PPARGC1A: variants seen among roughly 807,000 people sequenced by gnomAD.
PPARGC1A encodes the protein PPARG coactivator 1 alpha.
Under a neutral mutation model 88.7 loss-of-function variants are expected in PPARGC1A, and 25 were observed. That is an observed-to-expected ratio of 0.28 (90% confidence interval 0.21 to 0.39). The LOEUF (loss-of-function observed/expected upper bound fraction) is 0.39. Among genes scored for constraint, PPARGC1A ranks in the 10% least tolerant of loss-of-function variants. The pLI is 1.00. For synonymous variants in PPARGC1A, 363 were observed against 355.6 expected (o/e 1.02, Z -0.24); for missense variants, 880 against 968.7 (o/e 0.91, Z 1.22).
the PPARGC1A span, among the ~76,000 whole-genome samples, chr4:24,059,614 T>C: frequency 2.0e-5 from 3 of 152,200 alleles, no homozygotes; most frequent in Non-Finnish European, 4.4e-5. Flanking sequence ...AGCCCGCATC[T>C]GAGCACAGCT....
At chr4:24,097,535 T>G in the PPARGC1A span, among the ~76,000 whole-genome samples, 3 of 149,980 alleles carry the variant, frequency 2.0e-5, no homozygotes, top group Admixed American at 6.6e-5. Context: ...TTTTAGGTGG[T>G]TTTTTTTCAT....
the PPARGC1A span, among the ~76,000 whole-genome samples, chr4:24,387,827 AGAAAGAG>A: frequency 1.0e-3 from 78 of 76,260 alleles, 1 homozygote; most frequent in Middle Eastern, 7.2e-3. Flanking sequence ...AAAGAAAGAG[AGAAAGAG>A]AGAAAGAGAG....
At chr4:24,100,443 A>G in the PPARGC1A span, among the ~76,000 whole-genome samples, 1 of 152,184 alleles carries the variant, frequency 6.6e-6, no homozygotes, top group African/African-American at 2.4e-5. Context: ...GGCATGATCC[A>G]GTAGGTGCAA....
At chr4:24,454,988 G>A in the PPARGC1A span, among the ~76,000 whole-genome samples, 1 of 152,052 alleles carries the variant, frequency 6.6e-6, no homozygotes, top group Admixed American at 6.6e-5. Flanking sequence ...AGGCAAAGCA[G>A]GAAAGTCAAT....
chr4:24,110,662 G>A, the PPARGC1A span, among the ~76,000 whole-genome samples: 1,615 of 151,982 alleles, frequency 0.011, 26 homozygotes, highest in African/African-American at 0.036. Flanking sequence ...AAACATACAA[G>A]GTGCAAAAAA....
At chr4:23,825,459 GT>G (rs1447637205) in intron 5 of PPARGC1A, among the ~76,000 whole-genome samples, 3 of 151,998 alleles carry the variant, frequency 2.0e-5, no homozygotes, top group Non-Finnish European at 4.4e-5. Context: ...AACCAAAAAG[GT>G]CTTTAGAATA....
At chr4:24,403,723 G>T in the PPARGC1A span, among the ~76,000 whole-genome samples, 1 of 152,094 alleles carries the variant, frequency 6.6e-6, no homozygotes, top group Non-Finnish European at 1.5e-5. Flanking sequence ...AACTTCCATG[G>T]TTAAATCAAA....
chr4:24,150,993 T>G, the PPARGC1A span, among the ~76,000 whole-genome samples: 10 of 152,210 alleles, frequency 6.6e-5, no homozygotes, highest in Non-Finnish European at 1.5e-4. Context: ...CCACGTGTGA[T>G]TCCCCAGTTC....
At chr4:23,836,035 C>T (rs1485257361) in intron 2 of PPARGC1A, among the ~76,000 whole-genome samples, 1 of 152,216 alleles carries the variant, frequency 6.6e-6, no homozygotes, top group Non-Finnish European at 1.5e-5. Context: ...ACACATTAGT[C>T]ACTGCACTGA....
chr4:23,995,377 TTCCTCTC>T, the PPARGC1A span, among the ~76,000 whole-genome samples: 1 of 152,182 alleles, frequency 6.6e-6, no homozygotes, highest in African/African-American at 2.4e-5. Flanking sequence ...AGTTTACAGT[TTCCTCTC>T]TGACCTCCAA....
the PPARGC1A span, among the ~76,000 whole-genome samples, chr4:24,072,109 C>A: frequency 6.8e-6 from 1 of 147,078 alleles, no homozygotes; most frequent in Non-Finnish European, 1.5e-5. Flanking sequence ...TCAATAATTT[C>A]ATTTAAATAT....
chr4:24,359,144 G>A, the PPARGC1A span, among the ~76,000 whole-genome samples: 1 of 152,170 alleles, frequency 6.6e-6, no homozygotes. Context: ...TGTCAATGTT[G>A]AGGGCTGGGA....
At chr4:24,021,591 T>C in the PPARGC1A span, among the ~76,000 whole-genome samples, 1 of 152,170 alleles carries the variant, frequency 6.6e-6, no homozygotes, top group African/African-American at 2.4e-5. Context: ...GGAGTAAGTA[T>C]AACATGTACC....
chr4:24,356,981 G>A, the PPARGC1A span, among the ~76,000 whole-genome samples: 1 of 152,094 alleles, frequency 6.6e-6, no homozygotes, highest in Non-Finnish European at 1.5e-5. Flanking sequence ...AAGTGCAAAG[G>A]AATTAATGTT....
At chr4:24,055,588 T>G in the PPARGC1A span, among the ~76,000 whole-genome samples, 1 of 152,248 alleles carries the variant, frequency 6.6e-6, no homozygotes, top group Non-Finnish European at 1.5e-5. Context: ...GACAGAATTA[T>G]GTTAACTTGG....
the PPARGC1A span, among the ~76,000 whole-genome samples, chr4:24,413,925 G>T: frequency 6.6e-6 from 1 of 152,230 alleles, no homozygotes; most frequent in South Asian, 2.1e-4. Flanking sequence ...ACAACCCCTT[G>T]AGTCAAGAAA....
At chr4:24,340,779 C>G in the PPARGC1A span, among the ~76,000 whole-genome samples, 141,536 of 152,096 alleles carry the variant, frequency 0.93, 66,305 homozygotes, top group Non-Finnish European at 0.99. Context: ...AAAAAGAAGA[C>G]AGTTCTGTTT....
At chr4:24,382,504 G>A in the PPARGC1A span, among the ~76,000 whole-genome samples, 1 of 152,106 alleles carries the variant, frequency 6.6e-6, no homozygotes, top group Non-Finnish European at 1.5e-5. Flanking sequence ...AAACTGCTAC[G>A]TAAGAAAAAA....
chr4:24,325,039 CT>C, the PPARGC1A span, among the ~76,000 whole-genome samples: 2 of 152,146 alleles, frequency 1.3e-5, no homozygotes, highest in African/African-American at 4.8e-5. Context: ...CAGCAATTTA[CT>C]CTTAAAAAGG....
Sources: gnomAD v4.1 joint callset for allele counts (sites outside exome capture counted in the v4.1 genomes callset) on GRCh38, gnomAD v4.1.1 for gene constraint, MANE v1.5 for transcripts, NCBI Gene and HGNC (gene_info 2026-07-23, HGNC 2026-07-21) for gene names.